ARHGEF3: variants seen among roughly 807,000 people sequenced by gnomAD.
The protein encoded by ARHGEF3 is 59.8 kDA protein.
Under a neutral mutation model 63.2 loss-of-function variants are expected in ARHGEF3, and 28 were observed. That is an observed-to-expected ratio of 0.44 (90% CI 0.33 to 0.61). ARHGEF3 has a LOEUF of 0.61. Among genes scored for constraint, ARHGEF3 ranks in the 20% least tolerant of loss-of-function variants. ARHGEF3 has a pLI of 0.03. For synonymous variants in ARHGEF3, 266 were observed against 254.2 expected (o/e 1.05, Z -0.44); for missense variants, 533 against 659.3 (o/e 0.81, Z 2.10).
intron 2 of ARHGEF3, among the ~76,000 whole-genome samples, chr3:57,029,608 G>A (rs941684227): frequency 1.3e-5 from 2 of 152,054 alleles, no homozygotes; most frequent in African/African-American, 4.8e-5. Flanking sequence ...GCTCTGATGA[G>A]GTCTGCAAAA....
intron 2 of ARHGEF3, among the ~76,000 whole-genome samples, chr3:56,973,391 A>G (rs1385870560): frequency 6.6e-6 from 1 of 152,200 alleles, no homozygotes; most frequent in Non-Finnish European, 1.5e-5. Flanking sequence ...AAGAGCAGTA[A>G]AGGATGCTGC....
At chr3:56,976,313 G>T (rs1038883296) in intron 2 of ARHGEF3, among the ~76,000 whole-genome samples, 2 of 152,140 alleles carry the variant, frequency 1.3e-5, no homozygotes, top group African/African-American at 4.8e-5. Context: ...AGAGTGCTGG[G>T]ATTACAGGTG....
chr3:57,055,808 T>A (rs920460778), intron 1 of ARHGEF3, among the ~76,000 whole-genome samples: 4 of 152,156 alleles, frequency 2.6e-5, no homozygotes, highest in Admixed American at 2.6e-4. Flanking sequence ...CCAATGCACA[T>A]CCCTACTGTT....
At chr3:56,840,724 A>G (rs550656035) in intron 4 of ARHGEF3, among the ~76,000 whole-genome samples, 70 of 152,328 alleles carry the variant, frequency 4.6e-4, no homozygotes, top group Admixed American at 1.7e-3. Context: ...TGGCTGAAAG[A>G]GCAACCAGGA....
chr3:56,913,798 G>T (rs555393141), intron 3 of ARHGEF3, among the ~76,000 whole-genome samples: 12 of 152,310 alleles, frequency 7.9e-5, no homozygotes, highest in African/African-American at 2.9e-4. Flanking sequence ...TATCTACCCA[G>T]AGGAAAAGAA....
At chr3:56,931,036 A>T (rs1243636759) in intron 3 of ARHGEF3, among the ~76,000 whole-genome samples, 1 of 152,212 alleles carries the variant, frequency 6.6e-6, no homozygotes, top group Non-Finnish European at 1.5e-5. Context: ...AGAATAAGGC[A>T]GCAGGAGGCT....
chr3:57,060,091 G>A (rs1053018002), intron 1 of ARHGEF3, among the ~76,000 whole-genome samples: 5 of 152,140 alleles, frequency 3.3e-5, no homozygotes, highest in Non-Finnish European at 5.9e-5. Context: ...AGGCCAAGGC[G>A]GGAGGATCAC....
chr3:56,824,582 A>G (rs190350164), intron 4 of ARHGEF3, among the ~76,000 whole-genome samples: 16 of 152,346 alleles, frequency 1.1e-4, no homozygotes, highest in Admixed American at 5.9e-4. Flanking sequence ...TTAAAAGCCT[A>G]GCCTTTGAAC....
chr3:56,790,397 C>A (rs559650766), intron 1 of ARHGEF3, among the ~76,000 whole-genome samples: 1 of 152,242 alleles, frequency 6.6e-6, no homozygotes, highest in East Asian at 1.9e-4. Context: ...CACAAGAAAC[C>A]ATCAGTTTTC....
chr3:56,821,965 GA>G, intron 4 of ARHGEF3, among the ~76,000 whole-genome samples: 1 of 9,836 alleles, frequency 1.0e-4, no homozygotes, highest in East Asian at 1.3e-3. Flanking sequence ...TCTGTCTCGA[GA>G]AGAGAAGAGA....
At chr3:57,002,381 T>A (rs1189707222) in intron 2 of ARHGEF3, among the ~76,000 whole-genome samples, 1 of 142,402 alleles carries the variant, frequency 7.0e-6, no homozygotes, top group Non-Finnish European at 1.5e-5. Flanking sequence ...TAAAATATAG[T>A]ACTCAAAATG....
intron 2 of ARHGEF3, among the ~76,000 whole-genome samples, chr3:57,030,544 C>T (rs1703689331): frequency 6.6e-6 from 1 of 152,188 alleles, no homozygotes; most frequent in Non-Finnish European, 1.5e-5. Flanking sequence ...ATTTCTCCAG[C>T]ATAAGTGAAG....
chr3:57,055,281 C>T (rs2107320159), intron 1 of ARHGEF3, among the ~76,000 whole-genome samples: 1 of 151,930 alleles, frequency 6.6e-6, no homozygotes, highest in South Asian at 2.1e-4. Context: ...CCTGCCTCAG[C>T]CTCCTGAGTA....
intron 2 of ARHGEF3, among the ~76,000 whole-genome samples, chr3:57,008,537 C>T (rs1185094770): frequency 6.6e-6 from 1 of 151,876 alleles, no homozygotes; most frequent in Non-Finnish European, 1.5e-5. Context: ...AGCGCAGTAG[C>T]GTGATCTTGG....
At chr3:56,801,140 C>T (rs894102444) in intron 1 of ARHGEF3, among the ~76,000 whole-genome samples, 1 of 152,200 alleles carries the variant, frequency 6.6e-6, no homozygotes, top group Non-Finnish European at 1.5e-5. Context: ...CATTTAGCCC[C>T]AGCCCCCCGG....
chr3:56,814,157 T>G (rs1258280424), intron 4 of ARHGEF3, among the ~76,000 whole-genome samples: 3 of 152,224 alleles, frequency 2.0e-5, no homozygotes, highest in African/African-American at 7.2e-5. Context: ...ACTCTGTCCT[T>G]CTTTCTGGAA....
chr3:56,750,253 AG>A (rs2034651452), intron 6 of ARHGEF3, among the ~76,000 whole-genome samples: 1 of 152,176 alleles, frequency 6.6e-6, no homozygotes, highest in African/African-American at 2.4e-5. Flanking sequence ...TGTGTAGAAT[AG>A]GGAGCGGTGG....
rs543308740 is a variant in ARHGEF3, at chr3:56,795,710, C to T, written c.96+5993G>A. On this transcript the variant is annotated intron_variant, in intron 1 of 9. Coordinates refer to ENST00000296315, the MANE Select transcript of ARHGEF3 (RefSeq NM_019555.3). Reference sequence around the variant, plus strand: ...CTGTTGCTCAGACTGGAGTGGCGCTCGGCTCACTGCAATCTCTGCCTCCCA... The same window carrying T: ...CTGTTGCTCAGACTGGAGTGGCGCTTGGCTCACTGCAATCTCTGCCTCCCA... Among the ~76,000 whole-genome samples the T allele has an allele frequency of 4.2e-5, 6 of 143,216 alleles. No individual in the cohort carries two copies. The East Asian group carries it at 8.5e-4, about 20-fold the overall frequency. 94.0% of individuals were successfully genotyped at this position (143,216 alleles called of 152,430 possible). A position where few individuals can be genotyped will look rare whatever the true frequency, so the allele number is the denominator to read the frequency against.
At chr3:56,750,173 G>C (rs896575900) in intron 6 of ARHGEF3, among the ~76,000 whole-genome samples, 5 of 152,208 alleles carry the variant, frequency 3.3e-5, no homozygotes, top group African/African-American at 7.2e-5. Flanking sequence ...CTCATTATCT[G>C]CTTTATAACA....
Sources: allele counts gnomAD v4.1 joint callset (sites outside exome capture counted in the v4.1 genomes callset), GRCh38; gene constraint gnomAD v4.1.1; transcripts MANE v1.5; gene names NCBI Gene and HGNC (gene_info 2026-07-23, HGNC 2026-07-21).